ZDHHC2: variants seen among roughly 807,000 people sequenced by gnomAD.
ZDHHC2 encodes zDHHC palmitoyltransferase 2.
In ZDHHC2, 51 loss-of-function variants were observed where a neutral mutation model predicts 55.6. That is an observed-to-expected ratio of 0.92 (90% CI 0.73 to 1.16). The LOEUF (loss-of-function observed/expected upper bound fraction) is 1.16. ZDHHC2 is among the 50% of genes most tolerant of loss of function. The pLI is 0.00. For synonymous variants in ZDHHC2, 199 were observed against 152.9 expected (o/e 1.30, Z -2.22); for missense variants, 491 against 442.4 (o/e 1.11, Z -0.99).
chr8:17,156,708 T>G lies in ZDHHC2; in HGVS notation c.-16T>G, dbSNP rs1271243410. 2.1e-6 allele frequency: 3 copies of G among 1,445,052 alleles called. No homozygotes were observed. The highest frequency in any genetic ancestry group is 3.2e-5 in the East Asian group (1 of 31,302). The allele number at this position is 1,445,052 out of a possible 1,614,324, so 89.5% of individuals were successfully genotyped here. ...GCGGGCGGCGGCGGAGCTGGGCAGG[T>G]GGATGCGGCTGGAAGATGGCGCCCT... On this transcript the variant is annotated 5_prime_UTR_variant, in exon 1 of 13. Transcript: ENST00000262096.
chr8:17,186,475 CTG>C, intron 3 of ZDHHC2, 50 bp downstream of exon 3: 30 of 1,121,326 alleles, frequency 2.7e-5, no homozygotes, highest in Non-Finnish European at 3.1e-5. Flanking sequence ...ATCAATAATA[CTG>C]ATGTATTATT....
At position 17,223,091 on chromosome 8, in the gene ZDHHC2, T is replaced by G. The variant is rs1480235318; in HGVS notation, c.*2870T>G. The G allele has an allele frequency of 1.3e-5, 2 of 151,874 alleles. No homozygotes were observed. The highest frequency in any genetic ancestry group is 1.3e-4 in the Admixed American group (2 of 15,220). The allele number at this position is 151,874 out of a possible 1,614,324, so 9.4% of individuals were successfully genotyped here. Reference sequence around the variant, plus strand: ...ATGTGATTCATGCTTCAAGAAAATATATGAAAAAAGTGTTACTCCATTATG... The same window carrying G: ...ATGTGATTCATGCTTCAAGAAAATAGATGAAAAAAGTGTTACTCCATTATG... On this transcript the variant is annotated 3_prime_UTR_variant, in exon 13 of 13. Transcript: ENST00000262096.
Position 17,220,781 on chromosome 8 carries a change from T to C in ZDHHC2, c.*560T>C, listed in dbSNP as rs1807886524. Reference sequence around the variant, plus strand: ...TAATAATTATGAATTCATTACAGAGTCCAGGTGGCCTGCAGTTGAAGATCA... The same window carrying C: ...TAATAATTATGAATTCATTACAGAGCCCAGGTGGCCTGCAGTTGAAGATCA... On this transcript the variant is annotated 3_prime_UTR_variant, in exon 13 of 13. Transcript: ENST00000262096. The C allele has an allele frequency of 6.6e-6, 1 of 152,024 alleles. No individual in the cohort carries two copies. The highest frequency in any genetic ancestry group is 2.4e-5 in the African/African-American group (1 of 41,376). The allele number at this position is 152,024 out of a possible 1,614,324, so 9.4% of individuals were successfully genotyped here.
intron 1 of ZDHHC2, among the ~76,000 whole-genome samples, chr8:17,169,490 A>T (rs1804752320): frequency 1.3e-5 from 2 of 152,214 alleles, no homozygotes; most frequent in African/African-American, 4.8e-5. Context: ...ACAGATGGAA[A>T]TTAAATCTTG....
At chr8:17,163,108 T>G (rs1804429121) in intron 1 of ZDHHC2, among the ~76,000 whole-genome samples, 1 of 152,216 alleles carries the variant, frequency 6.6e-6, no homozygotes, top group Non-Finnish European at 1.5e-5. Context: ...TGCAACTCTC[T>G]GAATCCACGG....
chr8:17,170,569 G>C (rs1485237789), intron 1 of ZDHHC2, among the ~76,000 whole-genome samples: 1 of 152,170 alleles, frequency 6.6e-6, no homozygotes, highest in East Asian at 1.9e-4. Context: ...TCAACATATA[G>C]CTGCTAACCC....
intron 3 of ZDHHC2, among the ~76,000 whole-genome samples, chr8:17,194,398 GAATA>G (rs1219240618): frequency 6.7e-6 from 1 of 148,838 alleles, no homozygotes; most frequent in African/African-American, 2.5e-5. Context: ...ACTACTTAAA[GAATA>G]ATTAAGTGAA....
chr8:17,199,335 G>A (rs943307046), intron 6 of ZDHHC2, among the ~76,000 whole-genome samples: 1 of 152,080 alleles, frequency 6.6e-6, no homozygotes, highest in Non-Finnish European at 1.5e-5. Context: ...TCTTCTTAAA[G>A]GTCTCAATAA....
chr8:17,194,235 C>T (rs955542123), intron 3 of ZDHHC2, among the ~76,000 whole-genome samples: 1 of 151,544 alleles, frequency 6.6e-6, no homozygotes, highest in African/African-American at 2.4e-5. Flanking sequence ...CATATGTGTG[C>T]CTCTGTCTTT....
intron 10 of ZDHHC2, among the ~76,000 whole-genome samples, chr8:17,213,077 T>G (rs531235815): frequency 5.9e-5 from 9 of 152,294 alleles, no homozygotes; most frequent in Middle Eastern, 3.4e-3. Flanking sequence ...GTTCCTTATG[T>G]AGTGCCTTGT....
At chr8:17,183,027 G>A (rs530121964) in intron 1 of ZDHHC2, among the ~76,000 whole-genome samples, 236 of 152,318 alleles carry the variant, frequency 1.5e-3, no homozygotes, top group Non-Finnish European at 1.8e-3. Context: ...CTCCCAAAAT[G>A]TTGGGATTAC....
intron 6 of ZDHHC2, among the ~76,000 whole-genome samples, chr8:17,204,241 G>A (rs550224716): frequency 8.1e-4 from 124 of 152,202 alleles, no homozygotes; most frequent in Non-Finnish European, 1.4e-3. Context: ...CATGAACATG[G>A]TTTCATTTTT....
chr8:17,196,814 G>A (rs1044756747), intron 4 of ZDHHC2, among the ~76,000 whole-genome samples: 6 of 152,050 alleles, frequency 3.9e-5, no homozygotes, highest in African/African-American at 1.4e-4. Context: ...AGGAGGCTGA[G>A]GTGGGAGAAT....
At chr8:17,166,057 G>T (rs558574403) in intron 1 of ZDHHC2, among the ~76,000 whole-genome samples, 1 of 152,228 alleles carries the variant, frequency 6.6e-6, no homozygotes, top group African/African-American at 2.4e-5. Context: ...CCTCAGGCCA[G>T]AGGCCACTGT....
At chr8:17,199,625 C>G (rs1376841707) in intron 6 of ZDHHC2, among the ~76,000 whole-genome samples, 3 of 42,842 alleles carry the variant, frequency 7.0e-5, no homozygotes, top group Non-Finnish European at 2.0e-4. Context: ...CTTCTTCTTC[C>G]TTTCTTCTTC....
intron 11 of ZDHHC2, among the ~76,000 whole-genome samples, chr8:17,215,976 A>G (rs1381966719): frequency 1.3e-5 from 2 of 152,218 alleles, no homozygotes; most frequent in Non-Finnish European, 2.9e-5. Flanking sequence ...GTTACCTAAC[A>G]TCTTTTAGAC....
chr8:17,196,596 A>G (rs1213427777), intron 4 of ZDHHC2, among the ~76,000 whole-genome samples: 2 of 150,274 alleles, frequency 1.3e-5, no homozygotes, highest in Non-Finnish European at 3.0e-5. Context: ...AAAAAAAAAC[A>G]GGAAAAACTC....
intron 11 of ZDHHC2, 119 bp downstream of exon 11, chr8:17,215,468 A>T: frequency 1.3e-6 from 1 of 782,554 alleles, no homozygotes; most frequent in South Asian, 1.6e-5. Context: ...TCAGACTTCT[A>T]TTCTAAATTC....
At chr8:17,156,900 C>T (rs758138428) in intron 1 of ZDHHC2, 47 bp downstream of exon 1, 4 of 1,460,266 alleles carry the variant, frequency 2.7e-6, no homozygotes, top group South Asian at 1.3e-5. Context: ...CGCAGCCCAC[C>T]CCGACTGTCC....
Sources: allele counts gnomAD v4.1 joint callset (sites outside exome capture counted in the v4.1 genomes callset), GRCh38; gene constraint gnomAD v4.1.1; transcripts MANE v1.5; gene names NCBI Gene and HGNC (gene_info 2026-07-23, HGNC 2026-07-21).